The following IHO1 variants were observed in gnomAD, a reference collection of about 807,000 sequenced individuals.
The protein encoded by IHO1 is interactor of HORMAD1 protein 1.
In IHO1, 13 loss-of-function variants were observed where a neutral mutation model predicts 31.0. The ratio of observed to expected loss-of-function variants is 0.42; its 90% CI spans 0.27 to 0.67. The LOEUF (loss-of-function observed/expected upper bound fraction) is 0.67, where lower values mean the gene tolerates loss of function less well. Ranked by LOEUF, IHO1 falls within the 30% of genes least tolerant of loss-of-function variation. IHO1 has a pLI of 0.24. For missense variants in IHO1, 599 were observed against 687.5 expected (o/e 0.87, Z 1.44); for synonymous variants, 221 against 248.4 (o/e 0.89, Z 1.04).
chr3:49,211,833 C>G lies in IHO1; in HGVS notation c.53C>G (p.Ser18Cys). The stretch of plus-strand genomic sequence containing the variant: ...GAGATGCTCAGTATTCCTTCAGGCT[C>G]TGGGTAAGTTTTCTGGTTATATTGT... ...IKEMLSIPSG[S>C]GNKKSSNWNN... is the part of the protein sequence containing the mutation. The change falls in exon 2 of 8, where the codon TCT becomes TGT. Residue 18 changes from serine (S) to cysteine (C), a missense_variant. Ser to Cys is a moderately radical substitution (Grantham distance 112). Transcript: ENST00000452691. 1 of 1,564,940 alleles carries G rather than the reference C, an allele frequency of 6.4e-7. No individual in the cohort carries two copies. The highest frequency in any genetic ancestry group is 8.8e-7 in the Non-Finnish European group (1 of 1,135,702).
In IHO1 at chr3:49,257,217, A is replaced by C. The variant is rs751289670; in HGVS notation, c.1720A>C (p.Lys574Gln). The change falls in exon 8 of 8, where the codon AAG (lysine) becomes CAG (glutamine). Residue 574 changes from lysine (K) to glutamine (Q), a missense_variant. Physicochemically the swap from Lys to Gln is moderately conservative, Grantham distance 53 (BLOSUM62 1). Transcript: ENST00000452691. ...CGGATGTTCAGAGACCCCTCTATGC[A>C]AGGAGGCAGGAAAGAATTTGCTCTA... ...NLGCSETPLCKEAGKNLLYDL... is the reference protein window; with the variant it reads ...NLGCSETPLCQEAGKNLLYDL... 1 of 1,614,192 alleles carries C rather than the reference A, an allele frequency of 6.2e-7. No homozygotes were observed. Among genetic ancestry groups the C allele is most frequent in the East Asian group, 2.2e-5 (1 of 44,892 alleles).
chr3:49,214,628 A>ATATATATATATATATATT (rs2046265002), intron 2 of IHO1, among the ~76,000 whole-genome samples: 1 of 19,028 alleles, frequency 5.3e-5, no homozygotes, highest in African/African-American at 1.7e-4. Context: ...ATATATATAT[A>ATATATATATATATATATT]TATATTTTTT....
chr3:49,201,757 A>T (rs1006196463), intron 1 of IHO1, among the ~76,000 whole-genome samples: 2 of 152,122 alleles, frequency 1.3e-5, no homozygotes, highest in Non-Finnish European at 2.9e-5. Context: ...TCTCTACCAA[A>T]AATACAAAAA....
chr3:49,250,964 C>T (rs1265696776), intron 6 of IHO1, among the ~76,000 whole-genome samples: 6 of 151,802 alleles, frequency 4.0e-5, no homozygotes, highest in Admixed American at 2.6e-4. Context: ...GCAGAGGTTG[C>T]GGTGAGCCAA....
chr3:49,241,465 A>G, intron 4 of IHO1, 76 bp downstream of exon 4: 2 of 1,410,342 alleles, frequency 1.4e-6, no homozygotes, highest in Non-Finnish European at 1.9e-6. Flanking sequence ...CAGTAATTAA[A>G]TAATTCAATT....
chr3:49,236,371 ATG>A (rs888902920), intron 2 of IHO1, among the ~76,000 whole-genome samples, 175 bp from the exon 3 acceptor site: 17 of 152,326 alleles, frequency 1.1e-4, no homozygotes, highest in African/African-American at 3.8e-4. Context: ...AGTAATAAAA[ATG>A]TGTGGTATTC....
intron 2 of IHO1, among the ~76,000 whole-genome samples, chr3:49,220,678 C>G (rs1398062158): frequency 1.3e-5 from 2 of 152,068 alleles, no homozygotes; most frequent in Non-Finnish European, 1.5e-5. Context: ...ACTATACTGG[C>G]TGACACAGTG....
At chr3:49,249,947 C>T (rs1367175092) in intron 6 of IHO1, among the ~76,000 whole-genome samples, 2 of 152,108 alleles carry the variant, frequency 1.3e-5, no homozygotes, top group African/African-American at 4.8e-5. Flanking sequence ...CAATTGAGGC[C>T]TTACCAAGTT....
upstream of IHO1, chr3:49,199,049 C>G (rs2046020930): frequency 6.6e-6 from 1 of 152,560 alleles, no homozygotes; most frequent in African/African-American, 2.4e-5. Context: ...CTTGCCATTC[C>G]TGGGGACCAG....
At chr3:49,205,262 G>C (rs1042478358) in intron 1 of IHO1, among the ~76,000 whole-genome samples, 5 of 152,022 alleles carry the variant, frequency 3.3e-5, no homozygotes, top group African/African-American at 1.2e-4. Flanking sequence ...AGCGCTGGTT[G>C]GAGTGTCTTT....
upstream of IHO1, among the ~76,000 whole-genome samples, chr3:49,194,301 T>TAC (rs1190431000): frequency 2.6e-5 from 3 of 117,370 alleles, no homozygotes; most frequent in Non-Finnish European, 3.8e-5. Context: ...TGTATATATA[T>TAC]ATATATATAT....
chr3:49,227,796 T>G (rs532790666), intron 2 of IHO1, among the ~76,000 whole-genome samples: 61 of 152,288 alleles, frequency 4.0e-4, no homozygotes, highest in Middle Eastern at 3.4e-3. Context: ...GTGACACCTT[T>G]TATCCTCACT....
Position 49,227,840 on chromosome 3 carries a change from A to G in IHO1, c.57-8708A>G, listed in dbSNP as rs551639442. Among the ~76,000 whole-genome samples, 276 of 152,236 alleles carry G rather than the reference A, an allele frequency of 1.8e-3. 1 individual carries two copies. The highest frequency in any genetic ancestry group is 3.6e-3 in the Non-Finnish European group (242 of 68,014). On this transcript the variant is annotated intron_variant, in intron 2 of 7. Coordinates refer to ENST00000452691, the MANE Select transcript of IHO1 (RefSeq NM_001135197.2). Reference sequence around the variant, plus strand: ...AAGGATATCATTTCTGAAGCTCCCCATATCCTAGCTTCAGGAATAGCTTTT... The same window carrying G: ...AAGGATATCATTTCTGAAGCTCCCCGTATCCTAGCTTCAGGAATAGCTTTT...
At chr3:49,217,905 G>C (rs914112164) in intron 2 of IHO1, among the ~76,000 whole-genome samples, 2 of 152,284 alleles carry the variant, frequency 1.3e-5, no homozygotes, top group Non-Finnish European at 2.9e-5. Flanking sequence ...ATAGAGACCA[G>C]CCTGGGCAAC....
upstream of IHO1, among the ~76,000 whole-genome samples, chr3:49,198,044 A>G (rs1030060765): frequency 6.6e-6 from 1 of 152,240 alleles, no homozygotes; most frequent in Non-Finnish European, 1.5e-5. Context: ...AATTTTATAT[A>G]AATGGGATCA....
At chr3:49,213,691 G>A (rs2046250926) in intron 2 of IHO1, among the ~76,000 whole-genome samples, 2 of 152,238 alleles carry the variant, frequency 1.3e-5, no homozygotes, top group African/African-American at 4.8e-5. Flanking sequence ...CAGGTGCTAG[G>A]CCCCTCACTG....
At chr3:49,222,878 T>A (rs1030799162) in intron 2 of IHO1, among the ~76,000 whole-genome samples, 2 of 152,158 alleles carry the variant, frequency 1.3e-5, no homozygotes, top group African/African-American at 4.8e-5. Context: ...TCAATTGTAG[T>A]GAATCCAAGA....
Position 49,221,284 on chromosome 3 carries a change from G to A in IHO1, c.56+9448G>A, listed in dbSNP as rs544847524. ...GTTTACAATCCTTTAGCTAGACACAGAGCACTGATTGGTGCATTTTTACAG... is the reference window on the plus strand; with the variant it reads ...GTTTACAATCCTTTAGCTAGACACAAAGCACTGATTGGTGCATTTTTACAG... On this transcript the variant is annotated intron_variant, in intron 2 of 7. Transcript: ENST00000452691. Among the ~76,000 whole-genome samples, 316 of 151,868 alleles carry A rather than the reference G, an allele frequency of 2.1e-3. 2 individuals are homozygous for A. Among genetic ancestry groups the A allele is most frequent in the Admixed American group, 0.01 (153 of 15,246 alleles).
intron 2 of IHO1, among the ~76,000 whole-genome samples, chr3:49,217,104 G>A (rs975021491): frequency 2.0e-5 from 3 of 152,160 alleles, no homozygotes; most frequent in Non-Finnish European, 2.9e-5. Flanking sequence ...ATCTGGAATA[G>A]AAATACCATT....
Sources: gnomAD v4.1 joint callset for allele counts (sites outside exome capture counted in the v4.1 genomes callset) on GRCh38, gnomAD v4.1.1 for gene constraint, MANE v1.5 for transcripts, NCBI Gene and HGNC (gene_info 2026-07-23, HGNC 2026-07-21) for gene names.